Variants in ERCC8 observed in about 807,000 individuals in gnomAD.
ERCC8 encodes the protein DNA excision repair protein ERCC-8.
A neutral mutation model predicts 54.9 loss-of-function variants in ERCC8; 52 were observed. The ratio of observed to expected loss-of-function variants is 0.95; its 90% confidence interval spans 0.76 to 1.19. ERCC8 has a LOEUF of 1.19. Ranked by LOEUF, ERCC8 falls within the 50% of genes most tolerant of loss-of-function variation. The pLI is 0.00. For synonymous variants in ERCC8, 146 were observed against 157.2 expected, an observed-to-expected ratio of 0.93 and a Z score of 0.53; for missense variants, 514 against 466.1, an observed-to-expected ratio of 1.10 and a Z score of -0.95.
chr5:60,878,317 T>C (rs962902987), intron 11 of ERCC8, among the ~76,000 whole-genome samples: 2 of 152,208 alleles, frequency 1.3e-5, no homozygotes, highest in African/African-American at 2.4e-5. Flanking sequence ...ATCAGAGATA[T>C]TGGTGTAAAA....
At chr5:60,918,106 G>A in intron 4 of ERCC8, 159 bp downstream of exon 4, 1 of 633,214 alleles carries the variant, frequency 1.6e-6, no homozygotes, top group Non-Finnish European at 2.9e-6. Context: ...CAGCAGCACA[G>A]CCAGGATATG....
intron 9 of ERCC8, chr5:60,892,351 G>A (rs1226406648): frequency 1.8e-6 from 1 of 550,574 alleles, no homozygotes; most frequent in Non-Finnish European, 3.7e-6. Flanking sequence ...ATTCTCCAGT[G>A]GCCAAGCATT....
At chr5:60,912,133 T>G (rs1352195741) in intron 4 of ERCC8, among the ~76,000 whole-genome samples, 2 of 152,076 alleles carry the variant, frequency 1.3e-5, no homozygotes, top group Non-Finnish European at 2.9e-5. Context: ...GTGAAGAAAG[T>G]CATTGGTAGC....
chr5:60,910,371 A>T (rs898667275), intron 4 of ERCC8, among the ~76,000 whole-genome samples: 4 of 152,148 alleles, frequency 2.6e-5, no homozygotes, highest in African/African-American at 9.6e-5. Flanking sequence ...GCTGTTTTGC[A>T]TTTCCATATG....
chr5:60,908,584 T>TA (rs374684914), intron 4 of ERCC8, among the ~76,000 whole-genome samples: 8,696 of 109,408 alleles, frequency 0.079, 533 homozygotes, highest in African/African-American at 0.2. Context: ...TATATATATA[T>TA]TTTTTTTTTA....
intron 1 of ERCC8, among the ~76,000 whole-genome samples, chr5:60,937,732 A>T (rs1750109624): frequency 6.6e-6 from 1 of 152,176 alleles, no homozygotes; most frequent in African/African-American, 2.4e-5. Flanking sequence ...TGAGAAAGCC[A>T]GCCAACTCAC....
intron 10 of ERCC8, 53 bp downstream of exon 10, chr5:60,890,836 C>T: frequency 7.8e-7 from 1 of 1,278,736 alleles, no homozygotes; most frequent in Non-Finnish European, 1.1e-6. Flanking sequence ...TTACATATAA[C>T]TGGTCTGGCA....
intron 4 of ERCC8, among the ~76,000 whole-genome samples, chr5:60,914,901 T>A (rs118063318): frequency 6.6e-6 from 1 of 152,016 alleles, no homozygotes; most frequent in African/African-American, 2.4e-5. Flanking sequence ...ATGAATTACA[T>A]TAGTTGATTT....
At chr5:60,931,828 T>G (rs1321316997) in intron 1 of ERCC8, among the ~76,000 whole-genome samples, 1 of 152,226 alleles carries the variant, frequency 6.6e-6, no homozygotes, top group Non-Finnish European at 1.5e-5. Flanking sequence ...AATCATCTTT[T>G]CCTTCAGCTC....
chr5:60,904,195 C>A (rs573674598), intron 5 of ERCC8, among the ~76,000 whole-genome samples: 2 of 152,124 alleles, frequency 1.3e-5, no homozygotes, highest in African/African-American at 2.4e-5. Context: ...AACAGATTCA[C>A]AGAAACTGGA....
At position 60,891,095 on chromosome 5, in the gene ERCC8, T is replaced by C; in HGVS notation, c.844-9A>G. 2 of 1,557,526 alleles carry C rather than the reference T, an allele frequency of 1.3e-6. No homozygotes were observed. Among genetic ancestry groups the C allele is most frequent in the Non-Finnish European group, 1.8e-6 (2 of 1,132,538 alleles). On this transcript the variant is annotated splice_polypyrimidine_tract_variant and intron_variant, in intron 9 of 11. Coordinates refer to ENST00000676185, the MANE Select transcript of ERCC8 (RefSeq NM_000082.4). ...ACTTTTCCATAGTTCACCTGTAGGA[T>C]TAAAATAATAAGGTTACTCATCTCT...
At chr5:60,896,332 T>C (rs1748724387) in intron 9 of ERCC8, among the ~76,000 whole-genome samples, 1 of 152,206 alleles carries the variant, frequency 6.6e-6, no homozygotes, top group South Asian at 2.1e-4. Flanking sequence ...TTCTCCTGTG[T>C]CAGCCTCCCG....
At chr5:60,876,697 C>T (rs1394453171) in intron 11 of ERCC8, among the ~76,000 whole-genome samples, 1 of 152,174 alleles carries the variant, frequency 6.6e-6, no homozygotes, top group Non-Finnish European at 1.5e-5. Context: ...AGTGTTTGTT[C>T]ATATCCTTCG....
At chr5:60,929,909 A>T (rs576785211) in intron 1 of ERCC8, among the ~76,000 whole-genome samples, 1 of 152,338 alleles carries the variant, frequency 6.6e-6, no homozygotes, top group South Asian at 2.1e-4. Context: ...TTATTGATTA[A>T]AATAATGCTA....
At chr5:60,881,316 C>T (rs1309437927) in intron 11 of ERCC8, among the ~76,000 whole-genome samples, 2 of 152,224 alleles carry the variant, frequency 1.3e-5, no homozygotes, top group Non-Finnish European at 2.9e-5. Flanking sequence ...CAGGGACCCA[C>T]TTGAGGAGGC....
rs547018431 is a variant in ERCC8, at chr5:60,880,860, C to T, written c.1123-6177G>A. Among the ~76,000 whole-genome samples the T allele has an allele frequency of 1.6e-4, 24 of 152,264 alleles. No homozygotes were observed. In the East Asian group the frequency reaches 4.6e-3, roughly 29 times the overall value. ...TTGATCGTCTGAAGCCCTTTTTTCT[C>T]AACTCGTCAATGTCATTCTCCATCC... On this transcript the variant is annotated intron_variant, in intron 11 of 11. Coordinates refer to ENST00000676185, the MANE Select transcript of ERCC8 (RefSeq NM_000082.4).
rs542978992 is a variant in ERCC8, at chr5:60,870,661, CAAA to C, written c.*3951_*3953del. 9.2e-6 allele frequency among the ~76,000 whole-genome samples: 1 copy of C among 108,480 alleles called. No homozygotes were observed. The highest frequency in any genetic ancestry group is 1.9e-5 in the Non-Finnish European group (1 of 51,522). 71.2% of individuals were successfully genotyped at this position (108,480 alleles called of 152,430 possible). ...TGGGTGACAGAATGAGATTTTGTCT[CAAA>C]AAAAAAAAAGGGAAGAAAGGAAGAA... On this transcript the variant is annotated 3_prime_UTR_variant, in exon 12 of 12. Transcript: ENST00000676185.
At chr5:60,933,206 CCTTT>C (rs1182413899) in intron 1 of ERCC8, among the ~76,000 whole-genome samples, 3 of 136,144 alleles carry the variant, frequency 2.2e-5, no homozygotes, top group Non-Finnish European at 3.1e-5. Context: ...TGCATTTTTT[CCTTT>C]TTTTTCTTTT....
At chr5:60,941,763 T>C (rs1267661028) in intron 1 of ERCC8, among the ~76,000 whole-genome samples, 1 of 152,132 alleles carries the variant, frequency 6.6e-6, no homozygotes, top group Admixed American at 6.5e-5. Context: ...CTAAAAAAAT[T>C]GATAAACTAT....
Sources: allele counts gnomAD v4.1 joint callset (sites outside exome capture counted in the v4.1 genomes callset), GRCh38; gene constraint gnomAD v4.1.1; transcripts MANE v1.5; gene names NCBI Gene and HGNC (gene_info 2026-07-23, HGNC 2026-07-21).